NUP98: variants seen among roughly 807,000 people sequenced by gnomAD.
The protein encoded by NUP98 is nucleoporin 98 and 96 precursor.
NUP98 carries 26 observed loss-of-function variants against 191.9 expected under a neutral mutation model. The ratio of observed to expected loss-of-function variants is 0.14; its 90% CI spans 0.10 to 0.19. The LOEUF is 0.19. NUP98 is among the 10% of genes least tolerant of loss of function. The probability of loss-of-function intolerance (pLI) is 1.00; values close to 1 mark genes in which losing one functional copy is unlikely to be tolerated. For synonymous variants in NUP98, 808 were observed against 778.4 expected (o/e 1.04, Z -0.63); for missense variants, 1,941 against 2,178.8 (o/e 0.89, Z 2.17).
intron 29 of NUP98, among the ~76,000 whole-genome samples, chr11:3,685,694 G>A (rs2078113796): frequency 6.6e-6 from 1 of 152,148 alleles, no homozygotes; most frequent in African/African-American, 2.4e-5. Context: ...TCTGATCAAT[G>A]CAGTTCACAG....
In NUP98 at chr11:3,702,861, A is replaced by G. The variant is rs2078752014; in HGVS notation, c.3114T>C (p.Ser1038=). 1 of 1,612,382 alleles carries G rather than the reference A, an allele frequency of 6.2e-7. No individual in the cohort carries two copies. The highest frequency in any genetic ancestry group is 1.3e-5 in the African/African-American group (1 of 74,896). The change falls in exon 23 of 33, where the codon AGT becomes AGC. Residue 1038 remains serine (S), a synonymous_variant. Coordinates refer to ENST00000324932, the MANE Select transcript of NUP98 (RefSeq NM_016320.5). The part of the protein sequence containing the change: ...VGGLLQSKFT[S]GAFLSPSVSV... The stretch of plus-strand genomic sequence containing the variant: ...AGACACTTGGTGAAAGAAAAGCTCC[A>G]CTTGTAAATTTTGATTGTAGTAACC...
chr11:3,754,941 CAAAA>C (rs34606573), intron 10 of NUP98, among the ~76,000 whole-genome samples: 1 of 66,234 alleles, frequency 1.5e-5, no homozygotes, highest in Non-Finnish European at 2.8e-5. Flanking sequence ...GACACTATCT[CAAAA>C]AAAAAAAAAA....
chr11:3,719,130 A>AT (rs1243564043), intron 18 of NUP98, among the ~76,000 whole-genome samples: 8 of 152,212 alleles, frequency 5.3e-5, no homozygotes, highest in African/African-American at 1.7e-4. Context: ...CAAAAAAAAA[A>AT]AATAATAATA....
chr11:3,694,891 TTC>T (rs1165903914), intron 26 of NUP98, among the ~76,000 whole-genome samples: 2 of 152,056 alleles, frequency 1.3e-5, no homozygotes, highest in South Asian at 2.1e-4. Flanking sequence ...TTGCTATAAA[TTC>T]TTTTTTAAAT....
At chr11:3,711,983 G>C (rs1462697609) in intron 20 of NUP98, 2 of 1,046,178 alleles carry the variant, frequency 1.9e-6, no homozygotes, top group Admixed American at 5.5e-5. Context: ...AATGATACAA[G>C]TAATTGCGAT....
intron 29 of NUP98, 123 bp from the exon 30 acceptor site, chr11:3,683,564 G>T: frequency 9.9e-7 from 1 of 1,009,606 alleles, no homozygotes; most frequent in Non-Finnish European, 1.4e-6. Context: ...TTTTGATGGA[G>T]TTTCACTCTT....
chr11:3,694,124 C>T (rs2943418), intron 26 of NUP98, among the ~76,000 whole-genome samples: 26,985 of 150,384 alleles, frequency 0.18, 2,580 homozygotes, highest in East Asian at 0.26. Context: ...GTAATACCAG[C>T]ACTTTGGGAG....
At chr11:3,717,566 G>C (rs529140110) in intron 18 of NUP98, among the ~76,000 whole-genome samples, 1 of 152,148 alleles carries the variant, frequency 6.6e-6, no homozygotes, top group Non-Finnish European at 1.5e-5. Context: ...TTTATAACTA[G>C]TAAGTTTTTT....
At chr11:3,740,271 G>A (rs889076886) in intron 12 of NUP98, among the ~76,000 whole-genome samples, 1 of 152,152 alleles carries the variant, frequency 6.6e-6, no homozygotes, top group Non-Finnish European at 1.5e-5. Context: ...AGCACTTTGG[G>A]AGGCCGAAGC....
intron 25 of NUP98, 62 bp downstream of exon 25, chr11:3,699,020 G>C (rs1261897999): frequency 6.4e-7 from 1 of 1,573,978 alleles, no homozygotes; most frequent in Non-Finnish European, 8.7e-7. Flanking sequence ...AGCGGGGAGC[G>C]GTAGGAGGCA....
intron 14 of NUP98, 126 bp downstream of exon 14, chr11:3,731,263 CAA>C: frequency 1.7e-6 from 1 of 601,930 alleles, no homozygotes; most frequent in Non-Finnish European, 2.4e-6. Context: ...GACTCTGTCT[CAA>C]AAACAAAAAC....
chr11:3,736,133 T>A (rs1589839096), intron 12 of NUP98, among the ~76,000 whole-genome samples: 1 of 151,876 alleles, frequency 6.6e-6, no homozygotes, highest in Admixed American at 6.6e-5. Context: ...GGTTTCGCCA[T>A]GTTGCCCAGG....
intron 9 of NUP98, among the ~76,000 whole-genome samples, chr11:3,762,383 G>T (rs1589907411): frequency 6.6e-6 from 1 of 151,518 alleles, no homozygotes; most frequent in Non-Finnish European, 1.5e-5. Flanking sequence ...CGGCCTCCCA[G>T]AGTGCTGGGA....
intron 10 of NUP98, among the ~76,000 whole-genome samples, chr11:3,756,702 G>A (rs2080969888): frequency 6.6e-6 from 1 of 152,128 alleles, no homozygotes. Flanking sequence ...GATTACAGGC[G>A]TGAATCACCA....
chr11:3,676,014 TGGA>T lies in NUP98; in HGVS notation c.*142_*144del, dbSNP rs1445257839. ...AGTATTAAGAAAAGCCCTGAACAAGTGGAGGATGCTGCTTCTGGCAGCAGGGAG... is the reference window on the plus strand; with the variant it reads ...AGTATTAAGAAAAGCCCTGAACAAGTGGATGCTGCTTCTGGCAGCAGGGAG... On this transcript the variant is annotated 3_prime_UTR_variant, in exon 33 of 33. Coordinates refer to ENST00000324932, the MANE Select transcript of NUP98 (RefSeq NM_016320.5). 14 of 696,838 alleles carry T rather than the reference TGGA, an allele frequency of 2.0e-5. No individual in the cohort carries two copies. The highest frequency in any genetic ancestry group is 4.0e-4 in the Middle Eastern group (1 of 2,480). The allele number at this position is 696,838 out of a possible 1,614,324, so 43.2% of individuals were successfully genotyped here. A position where few individuals can be genotyped will look rare whatever the true frequency, so the allele number is the denominator to read the frequency against.
At chr11:3,731,302 T>A in intron 14 of NUP98, 89 bp downstream of exon 14, 1 of 887,470 alleles carries the variant, frequency 1.1e-6, no homozygotes, top group Non-Finnish European at 1.6e-6. Flanking sequence ...GTATCACATC[T>A]ATAATATATT....
chr11:3,742,320 C>T (rs1589853859), intron 12 of NUP98, among the ~76,000 whole-genome samples: 1 of 152,110 alleles, frequency 6.6e-6, no homozygotes, highest in African/African-American at 2.4e-5. Context: ...AGTTCATTTG[C>T]AACTATTAAA....
intron 8 of NUP98, among the ~76,000 whole-genome samples, chr11:3,767,346 G>A (rs967282373): frequency 8.0e-5 from 12 of 149,462 alleles, no homozygotes; most frequent in African/African-American, 2.5e-4. Flanking sequence ...TATTTTTTTT[G>A]GGATGAAGTC....
chr11:3,692,105 CTCGAACCTTGTGAAGA>C (rs1275556975), intron 27 of NUP98, among the ~76,000 whole-genome samples: 1 of 152,004 alleles, frequency 6.6e-6, no homozygotes, highest in Non-Finnish European at 1.5e-5. Context: ...ATGTGCCACC[CTCGAACCTTGTGAAGA>C]TATTGGCATA....
Sources: gnomAD v4.1 joint callset for allele counts (sites outside exome capture counted in the v4.1 genomes callset) on GRCh38, gnomAD v4.1.1 for gene constraint, MANE v1.5 for transcripts, NCBI Gene and HGNC (gene_info 2026-07-23, HGNC 2026-07-21) for gene names.